Variants in NRXN3 observed in about 807,000 individuals in gnomAD.
The protein encoded by NRXN3 is neurexin III.
In NRXN3, 32 loss-of-function variants were observed where a neutral mutation model predicts 137.6. The ratio of observed to expected loss-of-function variants is 0.23; its 90% confidence interval spans 0.18 to 0.31. The LOEUF is 0.31. NRXN3 is among the 10% of genes least tolerant of loss of function. NRXN3 has a pLI of 1.00. For missense variants in NRXN3, 1,574 were observed against 2,062.5 expected, an observed-to-expected ratio of 0.76 and a Z score of 4.59; for synonymous variants, 798 against 784.5, an observed-to-expected ratio of 1.02 and a Z score of -0.29.
intron 17 of NRXN3, among the ~76,000 whole-genome samples, chr14:79,682,610 G>A (rs549689368): frequency 4.5e-4 from 68 of 152,294 alleles, no homozygotes; most frequent in African/African-American, 1.6e-3. Flanking sequence ...CGGGGAGAAA[G>A]TTGTCTTCAA....
chr14:79,228,761 G>A (rs955324942), intron 15 of NRXN3, among the ~76,000 whole-genome samples: 7 of 152,086 alleles, frequency 4.6e-5, no homozygotes, highest in Non-Finnish European at 8.8e-5. Flanking sequence ...TAGGTTTTAA[G>A]CTTGGGAAAC....
At chr14:78,731,260 G>A (rs1364116224) in intron 8 of NRXN3, among the ~76,000 whole-genome samples, 1 of 152,026 alleles carries the variant, frequency 6.6e-6, no homozygotes, top group Non-Finnish European at 1.5e-5. Flanking sequence ...TGTTAGGAGT[G>A]TTTATCACTG....
intron 6 of NRXN3, among the ~76,000 whole-genome samples, chr14:78,657,141 G>A (rs1380033973): frequency 6.7e-6 from 1 of 149,424 alleles, no homozygotes; most frequent in Admixed American, 6.7e-5. Flanking sequence ...TAACATTACT[G>A]CAGACAACTG....
intron 16 of NRXN3, among the ~76,000 whole-genome samples, chr14:79,508,390 A>ATTTCTGATTTTTTTTTTTTTTTTTTTT (rs1555494789): frequency 1.0e-4 from 5 of 48,228 alleles, no homozygotes; most frequent in African/African-American, 3.6e-4. Context: ...ACAATAACTG[A>ATTTCTGATTTTTTTTTTTTTTTTTTTT]TTTTTTTTTT....
intron 1 of NRXN3, among the ~76,000 whole-genome samples, chr14:78,228,565 G>C (rs936727978): frequency 6.6e-6 from 1 of 152,210 alleles, no homozygotes; most frequent in Admixed American, 6.5e-5. Context: ...TGTGCTGGGA[G>C]CCTATTGCAT....
At chr14:79,585,773 G>GT (rs1191608430) in intron 16 of NRXN3, among the ~76,000 whole-genome samples, 1 of 149,596 alleles carries the variant, frequency 6.7e-6, no homozygotes, top group East Asian at 2.0e-4. Flanking sequence ...TATAATGTTT[G>GT]TTTAAGTTTT....
chr14:79,280,091 C>T, intron 15 of NRXN3: 2 of 1,394,020 alleles, frequency 1.4e-6, no homozygotes, highest in Non-Finnish European at 1.9e-6. Flanking sequence ...GGGCTTTTTG[C>T]CTTTTATCTT....
At chr14:79,750,616 C>T (rs1398443774) in intron 19 of NRXN3, among the ~76,000 whole-genome samples, 1 of 152,122 alleles carries the variant, frequency 6.6e-6, no homozygotes, top group African/African-American at 2.4e-5. Context: ...CCTGGGGGTA[C>T]TGATTTTCCT....
At chr14:78,459,729 A>G (rs931477228) in intron 4 of NRXN3, among the ~76,000 whole-genome samples, 1 of 152,122 alleles carries the variant, frequency 6.6e-6, no homozygotes, top group African/African-American at 2.4e-5. Context: ...AAAAAAACAA[A>G]CTCACTTTCT....
At chr14:79,858,531 T>C (rs1319930052) in intron 20 of NRXN3, among the ~76,000 whole-genome samples, 1 of 152,162 alleles carries the variant, frequency 6.6e-6, no homozygotes, top group Non-Finnish European at 1.5e-5. Context: ...CCTAGTTTCC[T>C]CTTTGCTTAC....
intron 17 of NRXN3, among the ~76,000 whole-genome samples, chr14:79,690,163 T>C (rs2098710958): frequency 6.6e-6 from 1 of 152,190 alleles, no homozygotes; most frequent in African/African-American, 2.4e-5. Flanking sequence ...CTTTATGATA[T>C]CTGTCACCTG....
At chr14:79,152,215 T>C (rs2059861632) in intron 15 of NRXN3, among the ~76,000 whole-genome samples, 2 of 152,052 alleles carry the variant, frequency 1.3e-5, no homozygotes, top group Admixed American at 6.6e-5. Context: ...ATAGAATGCT[T>C]TTGCATTTTA....
At chr14:79,350,179 G>A (rs1171007013) in intron 15 of NRXN3, among the ~76,000 whole-genome samples, 2 of 152,184 alleles carry the variant, frequency 1.3e-5, no homozygotes. Context: ...CCTAAGCTGG[G>A]TACTATCAAA....
chr14:79,084,937 T>A (rs1322841650), intron 15 of NRXN3, among the ~76,000 whole-genome samples: 2 of 152,132 alleles, frequency 1.3e-5, no homozygotes, highest in Non-Finnish European at 2.9e-5. Context: ...TTGGGGACCA[T>A]CTGTTAATGT....
chr14:78,526,274 A>G (rs1244376062), intron 4 of NRXN3, among the ~76,000 whole-genome samples: 2 of 152,234 alleles, frequency 1.3e-5, no homozygotes. Flanking sequence ...GCAGAATGAC[A>G]TCAAGTGGCT....
At chr14:79,114,285 T>C (rs2054019357) in intron 15 of NRXN3, among the ~76,000 whole-genome samples, 1 of 152,196 alleles carries the variant, frequency 6.6e-6, no homozygotes, top group Admixed American at 6.5e-5. Flanking sequence ...AAAGTATTAT[T>C]CGTCTCAATA....
intron 15 of NRXN3, among the ~76,000 whole-genome samples, chr14:79,395,165 A>C (rs1050193573): frequency 6.6e-6 from 1 of 152,202 alleles, no homozygotes; most frequent in African/African-American, 2.4e-5. Context: ...GGAAGATATG[A>C]AATATTCCCT....
At chr14:78,387,574 T>C (rs916756671) in intron 4 of NRXN3, among the ~76,000 whole-genome samples, 1 of 152,176 alleles carries the variant, frequency 6.6e-6, no homozygotes, top group Non-Finnish European at 1.5e-5. Flanking sequence ...GGACTAGGGC[T>C]CCTGGCTGAG....
intron 19 of NRXN3, among the ~76,000 whole-genome samples, chr14:79,793,828 G>C (rs143206285): frequency 6.1e-4 from 93 of 152,210 alleles, no homozygotes; most frequent in African/African-American, 2.2e-3. Context: ...CCAGATATAA[G>C]AGCATTCAGC....
Sources: gnomAD v4.1 joint callset for allele counts (sites outside exome capture counted in the v4.1 genomes callset) on GRCh38, gnomAD v4.1.1 for gene constraint, MANE v1.5 for transcripts, NCBI Gene and HGNC (gene_info 2026-07-23, HGNC 2026-07-21) for gene names.